NDUFV2: variants seen among roughly 807,000 people sequenced by gnomAD.
The protein encoded by NDUFV2 is NADH dehydrogenase [ubiquinone] flavoprotein 2, mitochondrial.
In NDUFV2, 18 loss-of-function variants were observed where a neutral mutation model predicts 31.6. That is an observed-to-expected ratio of 0.57 (90% CI 0.39 to 0.84). NDUFV2 has a LOEUF of 0.84. Among genes scored for constraint, NDUFV2 ranks in the 40% least tolerant of loss-of-function variants. The pLI is 0.00. For missense variants in NDUFV2, 314 were observed against 303.6 expected, an observed-to-expected ratio of 1.03 and a Z score of -0.26; for synonymous variants, 83 against 99.8, an observed-to-expected ratio of 0.83 and a Z score of 1.01.
Position 9,124,765 on chromosome 18 carries a change from A to G in NDUFV2, c.470-109A>G, listed in dbSNP as rs553389855. On this transcript the variant is annotated intron_variant, in intron 5 of 7. Transcript: ENST00000318388. ...GCCTGGCCTCTTTTTAAAAAACTTAATAGTCTTAAACTTTTAATATACCTC... is the reference window on the plus strand; with the variant it reads ...GCCTGGCCTCTTTTTAAAAAACTTAGTAGTCTTAAACTTTTAATATACCTC... 3.5e-5 allele frequency: 41 copies of G among 1,183,172 alleles called. No individual in the cohort carries two copies. The East Asian group carries it at 9.6e-4, about 28-fold the overall frequency. 73.3% of individuals were successfully genotyped at this position (1,183,172 alleles called of 1,614,324 possible). A position where few individuals can be genotyped will look rare whatever the true frequency, so the allele number is the denominator to read the frequency against.
chr18:9,133,285 C>G (rs1055483455), intron 7 of NDUFV2: 30 of 152,362 alleles, frequency 2.0e-4, no homozygotes, highest in African/African-American at 6.7e-4. Context: ...GTGGCAGGAA[C>G]AGGTAAATTA....
chr18:9,116,464 CA>C lies in NDUFV2; in HGVS notation c.55-1373del, dbSNP rs537713922. 4.1e-3 allele frequency among the ~76,000 whole-genome samples: 618 copies of C among 152,290 alleles called. 6 individuals are homozygous for C. The highest frequency in any genetic ancestry group is 0.014 in the African/African-American group (595 of 41,564). ...AAAAAAATTTTCTGAGCTAAGATGA[CA>C]GTGACTGTCTTCTAAATTTTAGTTT... On this transcript the variant is annotated intron_variant, in intron 1 of 7. Transcript: ENST00000318388.
intron 1 of NDUFV2, among the ~76,000 whole-genome samples, chr18:9,114,335 A>G (rs1481754429): frequency 1.3e-5 from 2 of 152,152 alleles, no homozygotes; most frequent in African/African-American, 2.4e-5. Flanking sequence ...TTATGTGCAA[A>G]TGCAAGAATA....
chr18:9,128,700 A>G (rs745932542), intron 7 of NDUFV2, among the ~76,000 whole-genome samples: 1 of 152,186 alleles, frequency 6.6e-6, no homozygotes, highest in Non-Finnish European at 1.5e-5. Flanking sequence ...TACAAATTTC[A>G]TAATATTTTC....
Position 9,125,305 on chromosome 18 carries a change from CA to C in NDUFV2, c.579+323del, listed in dbSNP as rs943133789. Among the ~76,000 whole-genome samples the C allele has an allele frequency of 2.3e-4, 35 of 152,118 alleles. 1 individual carries two copies. The highest frequency in any genetic ancestry group is 8.2e-4 in the African/African-American group (34 of 41,402). On this transcript the variant is annotated intron_variant, in intron 6 of 7. Coordinates refer to ENST00000318388, the MANE Select transcript of NDUFV2 (RefSeq NM_021074.5). ...CTTCAGATACTATCATCATCATCAT[CA>C]TTTGTAGAAATAAGCTACAGATACA...
intron 7 of NDUFV2, among the ~76,000 whole-genome samples, chr18:9,128,679 C>T (rs1438466310): frequency 6.6e-6 from 1 of 152,192 alleles, no homozygotes; most frequent in South Asian, 2.1e-4. Context: ...AGACACTGTC[C>T]CCCCAAAAAG....
At chr18:9,127,970 C>T (rs1342245225) in intron 7 of NDUFV2, among the ~76,000 whole-genome samples, 1 of 152,194 alleles carries the variant, frequency 6.6e-6, no homozygotes, top group Non-Finnish European at 1.5e-5. Context: ...CCGTCCCATA[C>T]CTGTGTTACA....
intron 1 of NDUFV2, among the ~76,000 whole-genome samples, chr18:9,114,066 AT>A (rs1568188645): frequency 1.3e-5 from 2 of 152,190 alleles, no homozygotes; most frequent in Non-Finnish European, 2.9e-5. Context: ...AGGAGAAGGT[AT>A]TTTATACAAA....
chr18:9,127,596 C>G (rs1006064824), intron 7 of NDUFV2, among the ~76,000 whole-genome samples: 2 of 152,116 alleles, frequency 1.3e-5, no homozygotes, highest in East Asian at 1.9e-4. Context: ...CTCAGCCTCC[C>G]GAGTAGCTGG....
intron 1 of NDUFV2, among the ~76,000 whole-genome samples, chr18:9,108,675 T>C (rs906949229): frequency 2.1e-5 from 3 of 146,030 alleles, no homozygotes; most frequent in Non-Finnish European, 4.5e-5. Flanking sequence ...TGAAAAACTT[T>C]TGTTTTTCAT....
intron 1 of NDUFV2, among the ~76,000 whole-genome samples, chr18:9,105,132 C>T (rs1032037409): frequency 6.6e-6 from 1 of 152,186 alleles, no homozygotes; most frequent in African/African-American, 2.4e-5. Context: ...TCTAACCTTT[C>T]ACAAGTAGTG....
rs368784815 is a variant in NDUFV2, at chr18:9,134,276, T to G, written c.747T>G (p.Leu249=). The change falls in exon 8 of 8, where the codon CTT becomes CTG. Residue 249 remains leucine (L), a synonymous_variant. Transcript: ENST00000318388. ...KGPGFGVQAG[L] ...CTGGATTTGGTGTACAAGCAGGCCT[T>G]TAATTTATATTGAACTGTAAATATG... The G allele has an allele frequency of 7.9e-5, 126 of 1,603,616 alleles. 1 individual carries two copies. Among genetic ancestry groups the G allele is most frequent in the Non-Finnish European group, 1.0e-4 (122 of 1,172,130 alleles).
At chr18:9,104,719 C>G (rs1181012100) in intron 1 of NDUFV2, among the ~76,000 whole-genome samples, 7 of 150,372 alleles carry the variant, frequency 4.7e-5, no homozygotes, top group African/African-American at 1.7e-4. Context: ...CCTCCCCCTT[C>G]CACCCTCCCC....
At chr18:9,124,283 T>TA (rs1264626855) in intron 5 of NDUFV2, among the ~76,000 whole-genome samples, 5 of 151,490 alleles carry the variant, frequency 3.3e-5, no homozygotes, top group African/African-American at 1.2e-4. Flanking sequence ...TTTACTACTG[T>TA]AAAAAAATTT....
intron 1 of NDUFV2, among the ~76,000 whole-genome samples, chr18:9,116,065 G>C (rs1293904264): frequency 2.0e-5 from 3 of 152,178 alleles, no homozygotes; most frequent in Non-Finnish European, 4.4e-5. Flanking sequence ...TAAGCAGTTT[G>C]AATTCTGTGA....
chr18:9,104,055 G>A, intron 1 of NDUFV2: 3 of 1,241,318 alleles, frequency 2.4e-6, no homozygotes, highest in Admixed American at 2.1e-5. Flanking sequence ...GTGTTAGAGA[G>A]ATGAATAGGG....
At chr18:9,122,275 G>A (rs2077943429) in intron 4 of NDUFV2, among the ~76,000 whole-genome samples, 1 of 152,016 alleles carries the variant, frequency 6.6e-6, no homozygotes, top group South Asian at 2.1e-4. Context: ...GAAGGAGGAA[G>A]TGCTGTTAAC....
chr18:9,126,775 T>C (rs971112813), intron 6 of NDUFV2, 56 bp from the exon 7 acceptor site: 39 of 1,446,954 alleles, frequency 2.7e-5, no homozygotes, highest in Non-Finnish European at 3.7e-5. Context: ...TCTCTATAAA[T>C]ATATCGATAT....
chr18:9,125,109 A>C, intron 6 of NDUFV2, 126 bp downstream of exon 6: 1 of 1,038,584 alleles, frequency 9.6e-7, no homozygotes, highest in Non-Finnish European at 1.4e-6. Flanking sequence ...GGTTACCATA[A>C]ATATCCAGGT....
Sources: allele counts gnomAD v4.1 joint callset (sites outside exome capture counted in the v4.1 genomes callset), GRCh38; gene constraint gnomAD v4.1.1; transcripts MANE v1.5; gene names NCBI Gene and HGNC (gene_info 2026-07-23, HGNC 2026-07-21).